The following KCNN2 variants were observed in gnomAD, a reference collection of about 807,000 sequenced individuals.
KCNN2 encodes small conductance calcium-activated potassium channel protein 2.
KCNN2 carries 24 observed loss-of-function variants against 55.5 expected under a neutral mutation model. The observed-to-expected ratio is 0.43, with a 90% CI of 0.31 to 0.61. The LOEUF (loss-of-function observed/expected upper bound fraction) is 0.61. Ranked by LOEUF, KCNN2 falls within the 20% of genes least tolerant of loss-of-function variation. The probability of loss-of-function intolerance (pLI) is 0.08; values close to 1 mark genes in which losing one functional copy is unlikely to be tolerated. For synonymous variants in KCNN2, 431 were observed against 336.1 expected (o/e 1.28, Z -3.09); for missense variants, 754 against 853.6 (o/e 0.88, Z 1.45).
At chr5:114,157,847 G>A (rs1580568805) in intron 1 of KCNN2, among the ~76,000 whole-genome samples, 1 of 117,372 alleles carries the variant, frequency 8.5e-6, no homozygotes. Flanking sequence ...ACTTTTTGAT[G>A]GGGTTTTTTT....
chr5:114,363,445 C>G (rs911980077), intron 1 of KCNN2, among the ~76,000 whole-genome samples, 184 bp downstream of exon 1: 1 of 152,258 alleles, frequency 6.6e-6, no homozygotes, highest in African/African-American at 2.4e-5. Context: ...GAGATGAACC[C>G]TTTCCGCGTG....
chr5:114,071,274 G>C (rs990113030), intron 1 of KCNN2, among the ~76,000 whole-genome samples: 1 of 152,188 alleles, frequency 6.6e-6, no homozygotes, highest in Non-Finnish European at 1.5e-5. Flanking sequence ...AAACTACAGA[G>C]CTTGAGTAGC....
intron 2 of KCNN2, among the ~76,000 whole-genome samples, chr5:114,310,141 G>T (rs1756366438): frequency 6.6e-6 from 1 of 152,158 alleles, no homozygotes; most frequent in Non-Finnish European, 1.5e-5. Flanking sequence ...CACCTTGTGA[G>T]ATTCTTTTTC....
chr5:114,087,465 G>A (rs1223838119), intron 1 of KCNN2, among the ~76,000 whole-genome samples: 1 of 152,090 alleles, frequency 6.6e-6, no homozygotes, highest in Non-Finnish European at 1.5e-5. Flanking sequence ...ATGGTAAAAG[G>A]TAGGGGTCCA....
chr5:114,182,520 A>T (rs1753259942), intron 1 of KCNN2, among the ~76,000 whole-genome samples: 1 of 152,036 alleles, frequency 6.6e-6, no homozygotes, highest in African/African-American at 2.4e-5. Context: ...ATATTTTTTC[A>T]TGTATTTATG....
intron 1 of KCNN2, among the ~76,000 whole-genome samples, chr5:114,117,311 G>T (rs1213097325): frequency 6.6e-6 from 1 of 152,118 alleles, no homozygotes; most frequent in Non-Finnish European, 1.5e-5. Flanking sequence ...CCTGGATCAT[G>T]TTCAGTGTTC....
At chr5:114,250,741 A>T (rs1754841406) in intron 2 of KCNN2, among the ~76,000 whole-genome samples, 1 of 152,154 alleles carries the variant, frequency 6.6e-6, no homozygotes, top group Non-Finnish European at 1.5e-5. Flanking sequence ...TCTATGGTCT[A>T]TTTTGGGCCA....
intron 2 of KCNN2, among the ~76,000 whole-genome samples, chr5:114,367,846 T>C (rs1757647289): frequency 6.6e-6 from 1 of 152,196 alleles, no homozygotes; most frequent in African/African-American, 2.4e-5. Flanking sequence ...AGTTGTTTAG[T>C]ACTTTGAGGT....
intron 1 of KCNN2, among the ~76,000 whole-genome samples, chr5:114,195,697 T>G (rs944675275): frequency 9.9e-5 from 15 of 152,028 alleles, no homozygotes; most frequent in African/African-American, 3.6e-4. Context: ...AATTACTATG[T>G]CTTGCACCTC....
intron 1 of KCNN2, among the ~76,000 whole-genome samples, chr5:114,091,358 G>C (rs1561471370): frequency 6.6e-6 from 1 of 152,116 alleles, no homozygotes; most frequent in Non-Finnish European, 1.5e-5. Context: ...TAGGGGTTCT[G>C]TTACTAGATA....
At chr5:114,091,369 T>C (rs1442623394) in intron 1 of KCNN2, among the ~76,000 whole-genome samples, 1 of 152,184 alleles carries the variant, frequency 6.6e-6, no homozygotes, top group Non-Finnish European at 1.5e-5. Flanking sequence ...TTACTAGATA[T>C]ATATAAATTC....
chr5:114,367,586 A>G (rs1032036170), intron 2 of KCNN2, among the ~76,000 whole-genome samples: 9 of 152,142 alleles, frequency 5.9e-5, no homozygotes, highest in Non-Finnish European at 1.2e-4. Context: ...TTAAGTAAGT[A>G]GCCTTCCTAC....
chr5:114,103,425 C>G (rs1378318660), intron 1 of KCNN2, among the ~76,000 whole-genome samples: 3 of 152,278 alleles, frequency 2.0e-5, no homozygotes, highest in South Asian at 4.1e-4. Context: ...ATTTCTTTCT[C>G]TTGCCTGATT....
chr5:114,070,980 G>A (rs903371337), intron 1 of KCNN2, among the ~76,000 whole-genome samples: 1 of 151,990 alleles, frequency 6.6e-6, no homozygotes, highest in African/African-American at 2.4e-5. Flanking sequence ...CTTTAAATTG[G>A]CTACTTTTTA....
At chr5:114,354,480 T>C (rs915485928) in intron 2 of KCNN2, among the ~76,000 whole-genome samples, 2 of 152,092 alleles carry the variant, frequency 1.3e-5, no homozygotes, top group African/African-American at 4.8e-5. Context: ...CAGCTCTTTT[T>C]GCTACCATGA....
At chr5:114,268,890 A>G (rs1755261270) in intron 2 of KCNN2, among the ~76,000 whole-genome samples, 1 of 151,600 alleles carries the variant, frequency 6.6e-6, no homozygotes, top group Non-Finnish European at 1.5e-5. Context: ...CAGGAACAAA[A>G]CAAGAGAGAC....
chr5:114,092,745 G>A (rs952491553), intron 1 of KCNN2, among the ~76,000 whole-genome samples: 32 of 152,214 alleles, frequency 2.1e-4, no homozygotes, highest in African/African-American at 7.2e-4. Context: ...AGCCACCAAG[G>A]CTTAGGGCTT....
intron 3 of KCNN2, among the ~76,000 whole-genome samples, chr5:114,436,458 T>G (rs1185408941): frequency 6.6e-6 from 1 of 152,216 alleles, no homozygotes; most frequent in Admixed American, 6.5e-5. Flanking sequence ...AATCTTGATT[T>G]ACTTGTATGT....
At chr5:114,296,975 T>A (rs1756022978) in intron 2 of KCNN2, among the ~76,000 whole-genome samples, 1 of 152,306 alleles carries the variant, frequency 6.6e-6, no homozygotes, top group Non-Finnish European at 1.5e-5. Context: ...TCTGTGTGAG[T>A]ATTTCCTCCT....
Sources: allele counts gnomAD v4.1 joint callset (sites outside exome capture counted in the v4.1 genomes callset), GRCh38; gene constraint gnomAD v4.1.1; transcripts MANE v1.5; gene names NCBI Gene and HGNC (gene_info 2026-07-23, HGNC 2026-07-21).